COL10A1: variants seen among roughly 807,000 people sequenced by gnomAD.
COL10A1 encodes the protein collagen alpha-1(X) chain.
Under a neutral mutation model 18.2 loss-of-function variants are expected in COL10A1, and 10 were observed. The ratio of observed to expected loss-of-function variants is 0.55; its 90% confidence interval spans 0.34 to 0.93. The LOEUF (loss-of-function observed/expected upper bound fraction) is 0.93, where lower values mean the gene tolerates loss of function less well. COL10A1 is among the 40% of genes least tolerant of loss of function. COL10A1 has a pLI of 0.02. For synonymous variants in COL10A1, 330 were observed against 316.6 expected (o/e 1.04, Z -0.45); for missense variants, 897 against 853.5 (o/e 1.05, Z -0.64).
At chr6:116,180,922 A>G in the COL10A1 span, among the ~76,000 whole-genome samples, 2 of 152,056 alleles carry the variant, frequency 1.3e-5, no homozygotes, top group Non-Finnish European at 1.5e-5. Flanking sequence ...TGCTGGTGAC[A>G]TTTTCAACAC....
chr6:116,171,408 T>G, the COL10A1 span, among the ~76,000 whole-genome samples: 2 of 152,132 alleles, frequency 1.3e-5, no homozygotes, highest in African/African-American at 4.8e-5. Flanking sequence ...TGTCAGAAAT[T>G]TGGAATATAC....
At chr6:116,136,099 C>T (rs78710890) in intron 1 of COL10A1, among the ~76,000 whole-genome samples, 4,435 of 152,082 alleles carry the variant, frequency 0.029, 236 homozygotes, top group African/African-American at 0.1. Context: ...TGACCCTCCA[C>T]TCTGCAGCCC....
chr6:116,135,003 A>C (rs1004657976), intron 1 of COL10A1, among the ~76,000 whole-genome samples: 4 of 152,204 alleles, frequency 2.6e-5, no homozygotes, highest in African/African-American at 9.6e-5. Flanking sequence ...AACTTTTTAG[A>C]CATAGCTATG....
the COL10A1 span, among the ~76,000 whole-genome samples, chr6:116,179,834 A>G: frequency 1.3e-5 from 2 of 152,076 alleles, no homozygotes; most frequent in African/African-American, 4.8e-5. Context: ...AAGGCACAAG[A>G]ATATACATAA....
At chr6:116,125,658 A>AT (rs1330668143) in intron 1 of COL10A1, 151 bp from the exon 2 acceptor site, 2 of 627,994 alleles carry the variant, frequency 3.2e-6, no homozygotes, top group Non-Finnish European at 5.3e-6. Context: ...ATGAGAGATC[A>AT]TTTTTTAGTT....
At chr6:116,155,752 TAAAAA>T (rs58270869) in intron 1 of COL10A1, among the ~76,000 whole-genome samples, 1 of 114,614 alleles carries the variant, frequency 8.7e-6, no homozygotes, top group African/African-American at 3.2e-5. Context: ...TACTTCTCCT[TAAAAA>T]AAAAAAAAAA....
upstream of COL10A1, among the ~76,000 whole-genome samples, chr6:116,126,547 C>G (rs1779318181): frequency 6.6e-6 from 1 of 152,106 alleles, no homozygotes; most frequent in Non-Finnish European, 1.5e-5. Flanking sequence ...AGACCATCAT[C>G]TAAATTATTG....
intron 1 of COL10A1, among the ~76,000 whole-genome samples, chr6:116,150,744 G>A (rs1358187041): frequency 6.6e-6 from 1 of 152,144 alleles, no homozygotes; most frequent in African/African-American, 2.4e-5. Context: ...TATTATTGCT[G>A]TCTGTCATAT....
At chr6:116,128,720 C>T (rs78817263), upstream of COL10A1, among the ~76,000 whole-genome samples, 1,975 of 152,192 alleles carry the variant, frequency 0.013, 19 homozygotes, top group Non-Finnish European at 0.022. Flanking sequence ...TCCTGCTGTC[C>T]TGAGGGAAAT....
upstream of COL10A1, among the ~76,000 whole-genome samples, chr6:116,126,529 C>G (rs1779317601): frequency 6.6e-6 from 1 of 152,026 alleles, no homozygotes; most frequent in African/African-American, 2.4e-5. Flanking sequence ...GAAGGGGGTA[C>G]TGGATTTAGA....
At chr6:116,162,641 A>T (rs59777418), upstream of COL10A1, among the ~76,000 whole-genome samples, 5,916 of 152,152 alleles carry the variant, frequency 0.039, 178 homozygotes, top group African/African-American at 0.079. Flanking sequence ...ATCGTGATGA[A>T]TTATCTTTTT....
chr6:116,181,604 T>C, the COL10A1 span, among the ~76,000 whole-genome samples: 3 of 152,088 alleles, frequency 2.0e-5, no homozygotes, highest in Non-Finnish European at 4.4e-5. Context: ...GTCACCACTT[T>C]TTTTCATTAC....
At chr6:116,146,264 A>G (rs985614183) in intron 1 of COL10A1, among the ~76,000 whole-genome samples, 1 of 152,250 alleles carries the variant, frequency 6.6e-6, no homozygotes, top group African/African-American at 2.4e-5. Context: ...AAGCAAATCA[A>G]AAGTTATCTA....
chr6:116,147,930 G>A lies in COL10A1; in HGVS notation c.-16+10684C>T, dbSNP rs562617634. ...GAACCTGGGAGGCGGAGGTTGCAGG[G>A]AGCTGAGATCGCGCCACTGCACTCC... is the stretch of plus-strand genomic sequence containing the variant. On this transcript the variant is annotated intron_variant, in intron 1 of 1. Coordinates refer to the COL10A1 transcript ENST00000418500. Among the ~76,000 whole-genome samples the A allele has an allele frequency of 1.6e-4, 25 of 151,922 alleles. No homozygotes were observed. In the South Asian group the frequency reaches 4.0e-3, roughly 24 times the overall value.
the COL10A1 span, among the ~76,000 whole-genome samples, chr6:116,166,214 G>T: frequency 2.0e-5 from 3 of 152,126 alleles, no homozygotes; most frequent in Non-Finnish European, 4.4e-5. Context: ...ACATCAACCA[G>T]TGGGGTCTCC....
At chr6:116,141,716 T>G (rs1779766752) in intron 1 of COL10A1, among the ~76,000 whole-genome samples, 3 of 151,998 alleles carry the variant, frequency 2.0e-5, no homozygotes, top group South Asian at 4.1e-4. Context: ...AAAGTTACTT[T>G]GCTTCTTATG....
At chr6:116,185,484 T>C in the COL10A1 span, among the ~76,000 whole-genome samples, 1 of 152,220 alleles carries the variant, frequency 6.6e-6, no homozygotes, top group African/African-American at 2.4e-5. Context: ...ACTATTATTG[T>C]GTTGCTGTTG....
chr6:116,189,884 A>G, the COL10A1 span, among the ~76,000 whole-genome samples: 1 of 152,050 alleles, frequency 6.6e-6, no homozygotes, highest in Non-Finnish European at 1.5e-5. Context: ...CTCTTATTGT[A>G]TACTATGCTA....
At chr6:116,193,390 G>A in the COL10A1 span, among the ~76,000 whole-genome samples, 1 of 152,066 alleles carries the variant, frequency 6.6e-6, no homozygotes, top group Non-Finnish European at 1.5e-5. Context: ...TGTGGTGGAA[G>A]CAAAGAACAC....
Sources: gnomAD v4.1 joint callset for allele counts (sites outside exome capture counted in the v4.1 genomes callset) on GRCh38, gnomAD v4.1.1 for gene constraint, MANE v1.5 for transcripts, NCBI Gene and HGNC (gene_info 2026-07-23, HGNC 2026-07-21) for gene names.